Variants in TAMM41 observed in about 807,000 individuals in gnomAD.
TAMM41 encodes the protein TAM41 mitochondrial translocator assembly and maintenance homolog.
In TAMM41, 36 loss-of-function variants were observed where a neutral mutation model predicts 44.1. The observed-to-expected ratio is 0.82, with a 90% confidence interval of 0.63 to 1.08. The LOEUF (loss-of-function observed/expected upper bound fraction) is 1.08, where lower values mean the gene tolerates loss of function less well. Among genes scored for constraint, TAMM41 ranks in the 50% least tolerant of loss-of-function variants. TAMM41 has a pLI of 0.00. For missense variants in TAMM41, 417 were observed against 404.3 expected (o/e 1.03, Z -0.27); for synonymous variants, 164 against 153.1 (o/e 1.07, Z -0.53).
At chr3:11,725,425 T>TTCCTCC in the TAMM41 span, among the ~76,000 whole-genome samples, 42 of 68,104 alleles carry the variant, frequency 6.2e-4, 1 homozygote, top group African/African-American at 3.1e-3. Flanking sequence ...TTCTTCTTCT[T>TTCCTCC]TCCTCCTCCT....
chr3:11,835,686 T>C (rs1008983723), intron 3 of TAMM41, among the ~76,000 whole-genome samples: 1 of 152,148 alleles, frequency 6.6e-6, no homozygotes, highest in African/African-American at 2.4e-5. Flanking sequence ...CAAAGAACAA[T>C]ACAACATTTT....
chr3:11,786,845 C>T (rs1254985140), downstream of TAMM41, among the ~76,000 whole-genome samples: 1 of 152,146 alleles, frequency 6.6e-6, no homozygotes, highest in African/African-American at 2.4e-5. Flanking sequence ...TTTCCCACCT[C>T]AGCCTCCCAA....
At chr3:11,828,921 A>AT (rs533871526) in intron 4 of TAMM41, among the ~76,000 whole-genome samples, 8 of 152,148 alleles carry the variant, frequency 5.3e-5, no homozygotes, top group South Asian at 2.1e-4. Context: ...GGGAAAGATG[A>AT]TTTTTTTTAA....
At chr3:11,735,671 A>C in the TAMM41 span, among the ~76,000 whole-genome samples, 1 of 152,170 alleles carries the variant, frequency 6.6e-6, no homozygotes, top group South Asian at 2.1e-4. Flanking sequence ...TATGTAGTGA[A>C]TCAGGTGCCC....
At chr3:11,762,570 G>A in the TAMM41 span, among the ~76,000 whole-genome samples, 3 of 152,174 alleles carry the variant, frequency 2.0e-5, no homozygotes, top group African/African-American at 7.2e-5. Context: ...TCCCACTACT[G>A]TCTTCTAGAT....
the TAMM41 span, among the ~76,000 whole-genome samples, chr3:11,779,901 C>G: frequency 6.6e-6 from 1 of 152,192 alleles, no homozygotes; most frequent in African/African-American, 2.4e-5. Context: ...ATACCATTCT[C>G]CCATTTGTGC....
the TAMM41 span, among the ~76,000 whole-genome samples, chr3:11,784,629 GGA>G: frequency 1.3e-5 from 2 of 152,148 alleles, no homozygotes; most frequent in Non-Finnish European, 1.5e-5. Context: ...TTTTCTATGA[GGA>G]GAGTGGGTGG....
intron 7 of TAMM41, among the ~76,000 whole-genome samples, chr3:11,806,313 T>A (rs1211082354): frequency 6.6e-6 from 1 of 152,064 alleles, no homozygotes; most frequent in Non-Finnish European, 1.5e-5. Context: ...TGCCAAATGT[T>A]GGAAAAAATG....
chr3:11,724,650 A>G, the TAMM41 span, among the ~76,000 whole-genome samples: 1 of 151,740 alleles, frequency 6.6e-6, no homozygotes, highest in Non-Finnish European at 1.5e-5. Context: ...TCCTGACCTC[A>G]AGTGATCCTC....
At chr3:11,764,586 A>G in the TAMM41 span, among the ~76,000 whole-genome samples, 2 of 127,122 alleles carry the variant, frequency 1.6e-5, no homozygotes, top group Non-Finnish European at 3.1e-5. Flanking sequence ...TCCGCCTCCC[A>G]CGTTCACGCC....
At chr3:11,791,292 A>G (rs2077472043) in intron 7 of TAMM41, among the ~76,000 whole-genome samples, 2 of 152,214 alleles carry the variant, frequency 1.3e-5, no homozygotes, top group African/African-American at 4.8e-5. Flanking sequence ...AATGTGCCTC[A>G]TTCGGAGAGC....
the TAMM41 span, among the ~76,000 whole-genome samples, chr3:11,752,575 C>G: frequency 3.6e-3 from 532 of 149,148 alleles, 5 homozygotes; most frequent in African/African-American, 0.012. Context: ...CAAGTCCCCA[C>G]TCGACCCAGG....
chr3:11,773,471 T>G, the TAMM41 span, among the ~76,000 whole-genome samples: 1 of 152,138 alleles, frequency 6.6e-6, no homozygotes, highest in South Asian at 2.1e-4. Flanking sequence ...TCCTCTTGCC[T>G]TGGCTTCCAA....
the TAMM41 span, among the ~76,000 whole-genome samples, chr3:11,764,237 C>A: frequency 6.6e-6 from 1 of 151,936 alleles, no homozygotes; most frequent in Non-Finnish European, 1.5e-5. Context: ...CTCAAGTGAT[C>A]CTCCTGCTTC....
At chr3:11,730,830 T>C in the TAMM41 span, among the ~76,000 whole-genome samples, 8 of 152,246 alleles carry the variant, frequency 5.3e-5, no homozygotes, top group East Asian at 1.5e-3. Flanking sequence ...TTCCTCCTGG[T>C]TTCCCATCTT....
chr3:11,831,989 G>A (rs942746749), intron 3 of TAMM41, among the ~76,000 whole-genome samples: 1 of 152,102 alleles, frequency 6.6e-6, no homozygotes, highest in Admixed American at 6.5e-5. Context: ...GACCAGCCAG[G>A]AACATGACTT....
At chr3:11,822,646 T>C (rs2078569092) in intron 4 of TAMM41, among the ~76,000 whole-genome samples, 1 of 152,224 alleles carries the variant, frequency 6.6e-6, no homozygotes, top group Non-Finnish European at 1.5e-5. Context: ...AATTATACAC[T>C]ATCTGGAGTT....
chr3:11,817,405 T>G lies in TAMM41; in HGVS notation c.563-68A>C. ...CACACTCTCGACCTATGAACGACGC[T>G]CCCCACACTGATACCGCACGGGTTC... On this transcript the variant is annotated intron_variant, in intron 4 of 7. Coordinates refer to ENST00000455809, the MANE Select transcript of TAMM41 (RefSeq NM_001284401.2). 4 of 1,500,296 alleles carry G rather than the reference T, an allele frequency of 2.7e-6. No individual in the cohort carries two copies. In the Admixed American group the frequency reaches 7.1e-5, roughly 27 times the overall value. The allele number at this position is 1,500,296 out of a possible 1,614,324, so 92.9% of individuals were successfully genotyped here.
intron 2 of TAMM41, 34 bp from the exon 3 acceptor site, chr3:11,839,348 A>G (rs778287472): frequency 7.5e-7 from 1 of 1,329,964 alleles, no homozygotes. Flanking sequence ...AAAACGGAGT[A>G]AAATACCATG....
Sources: allele counts gnomAD v4.1 joint callset (sites outside exome capture counted in the v4.1 genomes callset), GRCh38; gene constraint gnomAD v4.1.1; transcripts MANE v1.5; gene names NCBI Gene and HGNC (gene_info 2026-07-23, HGNC 2026-07-21).